Variants in PRR12 observed in about 807,000 individuals in gnomAD.
PRR12 encodes the protein proline-rich protein 12.
Under a neutral mutation model 138.0 loss-of-function variants are expected in PRR12, and 12 were observed. The ratio of observed to expected loss-of-function variants is 0.09; its 90% CI spans 0.06 to 0.14. The LOEUF (loss-of-function observed/expected upper bound fraction) is 0.14, where lower values mean the gene tolerates loss of function less well. PRR12 is among the 10% of genes least tolerant of loss of function. The pLI is 1.00. For synonymous variants in PRR12, 1,567 were observed against 1,291.7 expected (o/e 1.21, Z -4.57); for missense variants, 2,692 against 2,861.3 (o/e 0.94, Z 1.35).
Position 49,597,356 on chromosome 19 carries a change from C to T in PRR12, c.3021C>T (p.Gly1007=). The change falls in exon 4 of 14, where the codon GGC becomes GGT. Residue 1007 remains glycine (G), a synonymous_variant. Transcript: ENST00000418929. This position sits in a 1 kb window ranked among gnomAD's most constrained non-coding sequence, Gnocchi z 6.3. ...RASGAGPETP[G]LGLDPNKPPE... ...CGGGAGCCGGGCCCGAGACACCGGG[C>T]CTGGGCCTGGACCCCAACAAACCGC... is the stretch of plus-strand genomic sequence containing the variant. The T allele has an allele frequency of 6.5e-7, 1 of 1,539,202 alleles. No individual in the cohort carries two copies. Among genetic ancestry groups the T allele is most frequent in the Non-Finnish European group, 8.7e-7 (1 of 1,146,920 alleles).
At chr19:49,613,330 CAAAAA>C (rs781467379) in intron 6 of PRR12, among the ~76,000 whole-genome samples, 1 of 76,706 alleles carries the variant, frequency 1.3e-5, no homozygotes, top group African/African-American at 4.1e-5. Context: ...GGCTCCATCT[CAAAAA>C]AAAAAAAAAA....
Position 49,594,800 on chromosome 19 carries a change from T to C in PRR12, c.465T>C (p.Ala155=). 1 of 1,613,044 alleles carries C rather than the reference T, an allele frequency of 6.2e-7. No homozygotes were observed. ...CCCTGTCGGCTTACCAACACCCGGC[T>C]TCCTTCGGCAGCCGCCCCTTCCCAG... ...SSALSAYQHP[A]SFGSRPFPVP... The change falls in exon 4 of 14, where the codon GCT becomes GCC. Residue 155 remains alanine (A), a synonymous_variant. Coordinates refer to ENST00000418929, the MANE Select transcript of PRR12 (RefSeq NM_020719.3). This position sits in a 1 kb window ranked among gnomAD's most constrained non-coding sequence, Gnocchi z 5.6.
rs377588997 is a variant in PRR12, at chr19:49,625,093, A to G, written c.5869-12A>G. ...GGGCTGGAGGGGCTGAGGCATCTCCACTCCTACCCAGGAGTTCAAGGTTGA... is the reference window on the plus strand; with the variant it reads ...GGGCTGGAGGGGCTGAGGCATCTCCGCTCCTACCCAGGAGTTCAAGGTTGA... On this transcript the variant is annotated splice_polypyrimidine_tract_variant and intron_variant, in intron 12 of 13. Coordinates refer to ENST00000418929, the MANE Select transcript of PRR12 (RefSeq NM_020719.3). This position sits in a 1 kb window ranked among gnomAD's most constrained non-coding sequence, Gnocchi z 5.5. The G allele has an allele frequency of 2.5e-6, 4 of 1,612,518 alleles. No homozygotes were observed. The highest frequency in any genetic ancestry group is 3.4e-6 in the Non-Finnish European group (4 of 1,178,846).
In PRR12 at chr19:49,610,546, A is replaced by ATTTTTTTTTTTTTTTTT. The variant is rs922178889; in HGVS notation, c.4774-3973_4774-3972insTTTTTTTTTTTTTTTTT. Among the ~76,000 whole-genome samples, 2 of 121,636 alleles carry ATTTTTTTTTTTTTTTTT rather than the reference A, an allele frequency of 1.6e-5. 1 individual carries two copies. Among genetic ancestry groups the ATTTTTTTTTTTTTTTTT allele is most frequent in the African/African-American group, 7.2e-5 (2 of 27,964 alleles). The allele number at this position is 121,636 out of a possible 152,430, so 79.8% of individuals were successfully genotyped here. A position where few individuals can be genotyped will look rare whatever the true frequency, so the allele number is the denominator to read the frequency against. ...CATGCCATGGTAAAACCCTGTTCCTATTTTTTTTTTTTTTGAGATGGAGTC... is the reference window on the plus strand; with the variant it reads ...CATGCCATGGTAAAACCCTGTTCCTATTTTTTTTTTTTTTTTTTTTTTTTTTTTTTTGAGATGGAGTC... On this transcript the variant is annotated intron_variant, in intron 6 of 13. Transcript: ENST00000418929.
intron 6 of PRR12, among the ~76,000 whole-genome samples, chr19:49,613,678 C>T (rs1468793559): frequency 6.6e-6 from 1 of 152,230 alleles, no homozygotes; most frequent in African/African-American, 2.4e-5. Context: ...GTTCTTGGCA[C>T]AGGCCACAAA....
At chr19:49,621,185 C>T (rs1464326764) in intron 10 of PRR12, among the ~76,000 whole-genome samples, 115 of 87,458 alleles carry the variant, frequency 1.3e-3, no homozygotes, top group South Asian at 4.6e-3. Flanking sequence ...GGGGCTGGGG[C>T]CTGGACTCCT....
Position 49,614,655 on chromosome 19 carries a change from C to A in PRR12, c.4890+6C>A. Reference sequence around the variant, plus strand: ...AGTTTTGTGCCACCAGTAATGTAAGCCTGCAAAGGGGACCAAGGACTTGGG... The same window carrying A: ...AGTTTTGTGCCACCAGTAATGTAAGACTGCAAAGGGGACCAAGGACTTGGG... On this transcript the variant is annotated splice_donor_region_variant and intron_variant, in intron 7 of 13. Coordinates refer to ENST00000418929, the MANE Select transcript of PRR12 (RefSeq NM_020719.3). The surrounding 1 kb of genome is among the most constrained non-coding windows in gnomAD (Gnocchi z 5.0). 6.4e-7 allele frequency: 1 copy of A among 1,554,790 alleles called. No homozygotes were observed. Among genetic ancestry groups the A allele is most frequent in the Middle Eastern group, 1.7e-4 (1 of 5,986 alleles).
intron 2 of PRR12, among the ~76,000 whole-genome samples, chr19:49,593,714 C>G (rs919739631): frequency 1.3e-5 from 2 of 152,160 alleles, no homozygotes; most frequent in African/African-American, 4.8e-5. Context: ...CAGGCTTTTC[C>G]GCCTCTCCCC....
In PRR12 at chr19:49,594,676, C is replaced by A. The variant is rs148312497; in HGVS notation, c.362-21C>A. The A allele has an allele frequency of 3.1e-6, 5 of 1,610,700 alleles. No individual in the cohort carries two copies. The highest frequency in any genetic ancestry group is 4.2e-6 in the Non-Finnish European group (5 of 1,179,522). ...GACTGGCTCGCTGTTCTCTCTGACG[C>A]GCGGTCTTCCTCATCTCCAGCCATG... On this transcript the variant is annotated intron_variant, in intron 3 of 13. Transcript: ENST00000418929. The surrounding 1 kb of genome is among the most constrained non-coding windows in gnomAD (Gnocchi z 5.6).
intron 6 of PRR12, among the ~76,000 whole-genome samples, chr19:49,603,175 G>C (rs2080821089): frequency 6.6e-6 from 1 of 152,236 alleles, no homozygotes; most frequent in Admixed American, 6.5e-5. Context: ...AATAGAGTTG[G>C]ATCAGAGGAT....
At chr19:49,619,851 C>CTTTTTTTTTTTTTTTT (rs55707507) in intron 9 of PRR12, among the ~76,000 whole-genome samples, 1 of 53,936 alleles carries the variant, frequency 1.9e-5, no homozygotes, top group African/African-American at 8.8e-5. Context: ...CAATGCCTGG[C>CTTTTTTTTTTTTTTTT]TTTTTTTTTT....
intron 6 of PRR12, among the ~76,000 whole-genome samples, chr19:49,607,472 A>G (rs1599794580): frequency 6.6e-6 from 1 of 151,932 alleles, no homozygotes; most frequent in Non-Finnish European, 1.5e-5. Flanking sequence ...TTGGGAGTCC[A>G]AGGTGGGTGG....
At chr19:49,606,305 T>C in intron 6 of PRR12, among the ~76,000 whole-genome samples, 1 of 146,488 alleles carries the variant, frequency 6.8e-6, no homozygotes, top group African/African-American at 2.6e-5. Flanking sequence ...TGTCTGGACT[T>C]TTTTTTCTTC....
In PRR12 at chr19:49,597,459, C is replaced by G; in HGVS notation, c.3124C>G (p.Pro1042Ala). 1 of 1,541,488 alleles carries G rather than the reference C, an allele frequency of 6.5e-7. No homozygotes were observed. Among genetic ancestry groups the G allele is most frequent in the Non-Finnish European group, 8.7e-7 (1 of 1,146,134 alleles). Residue 1042 changes from proline (P) to alanine (A), a missense_variant, in exon 4 of 14, where the codon CCG becomes GCG. Physicochemically the swap from Pro to Ala is conservative, Grantham distance 27. Transcript: ENST00000418929. This position sits in a 1 kb window ranked among gnomAD's most constrained non-coding sequence, Gnocchi z 6.3. ...CCCCCACCAGGCGGCGCCACCACCC[C>G]CGCCTCCGCCACCGCCGCCTCCCGC... is the stretch of plus-strand genomic sequence containing the variant. ...SGPHQAAPPP[P>A]PPPPPPPAPA...
chr19:49,595,519 G>A lies in PRR12; in HGVS notation c.1184G>A (p.Gly395Asp). 6.4e-7 allele frequency: 1 copy of A among 1,569,644 alleles called. No individual in the cohort carries two copies. Among genetic ancestry groups the A allele is most frequent in the Non-Finnish European group, 8.6e-7 (1 of 1,158,152 alleles). The change falls in exon 4 of 14, where the codon GGT (glycine) becomes GAT (aspartate). Residue 395 changes from glycine to aspartate, a missense_variant. Physicochemically the swap from Gly to Asp is moderately conservative, Grantham distance 94. Around this residue, in one of 11 missense-constraint regions of PRR12, gnomAD observed 523 missense variants for 496.4 expected, o/e 1.05. Transcript: ENST00000418929. ...QSPGYKTGKGGYGAAAGGATR... is the reference protein window; with the variant it reads ...QSPGYKTGKGDYGAAAGGATR... ...CCTGGGTACAAGACGGGCAAAGGTG[G>A]TTATGGAGCAGCTGCCGGGGGTGCC...
rs1305204599 is a variant in PRR12, at chr19:49,595,957, T to G, written c.1622T>G (p.Leu541Arg). 3.1e-6 allele frequency: 5 copies of G among 1,600,472 alleles called. No homozygotes were observed. Among genetic ancestry groups the G allele is most frequent in the African/African-American group, 1.3e-5 (1 of 74,886 alleles). Residue 541 changes from leucine to arginine, a missense_variant, in exon 4 of 14, where the codon CTC (leucine) becomes CGC (arginine). Physicochemically the swap from Leu to Arg is moderately radical, Grantham distance 102. Transcript: ENST00000418929. ...TACAGTACCGGCCATTCCCCAGCGC[T>G]CTCGGGCCATGGGGGTGGCTGGGGA... ...LSYSTGHSPALSGHGGGWGPS... is the reference protein window; with the variant it reads ...LSYSTGHSPARSGHGGGWGPS...
At position 49,599,715 on chromosome 19, in the gene PRR12, C is replaced by G. The variant is rs781576069; in HGVS notation, c.4122C>G (p.Leu1374=). The G allele has an allele frequency of 1.2e-6, 2 of 1,613,572 alleles. No homozygotes were observed. Among genetic ancestry groups the G allele is most frequent in the Admixed American group, 1.7e-5 (1 of 60,022 alleles). ...KRLDEELKRN[L]ETLPSFSSDE... ...TTGATGAGGAGCTGAAGCGGAACCT[C>G]GAGACGCTGCCCTCCTTCTCCTCGG... The change falls in exon 5 of 14, where the codon CTC becomes CTG. Residue 1374 remains leucine, a synonymous_variant. Coordinates refer to ENST00000418929, the MANE Select transcript of PRR12 (RefSeq NM_020719.3). The surrounding 1 kb of genome is among the most constrained non-coding windows in gnomAD (Gnocchi z 5.0).
chr19:49,599,736 C>T lies in PRR12; in HGVS notation c.4143C>T (p.Ser1381=), dbSNP rs748835453. The T allele has an allele frequency of 4.3e-6, 7 of 1,613,536 alleles. No individual in the cohort carries two copies. The highest frequency in any genetic ancestry group is 5.1e-6 in the Non-Finnish European group (6 of 1,179,900). ...KRNLETLPSF[S]SDEEDSVAKN... is the part of the protein sequence containing the mutation. ...ACCTCGAGACGCTGCCCTCCTTCTC[C>T]TCGGATGAGGAAGACTCTGTCGCCA... The change falls in exon 5 of 14, where the codon TCC becomes TCT. Residue 1381 remains serine (S), a synonymous_variant. Coordinates refer to ENST00000418929, the MANE Select transcript of PRR12 (RefSeq NM_020719.3). The surrounding 1 kb of genome is among the most constrained non-coding windows in gnomAD (Gnocchi z 5.0).
intron 1 of PRR12, among the ~76,000 whole-genome samples, chr19:49,592,119 AAG>A (rs1179740103): frequency 1.3e-5 from 2 of 148,992 alleles, no homozygotes; most frequent in Admixed American, 6.7e-5. Flanking sequence ...AGGTGGGAAG[AAG>A]AGAAGAATTA....
Sources: gnomAD v4.1 joint callset for allele counts (sites outside exome capture counted in the v4.1 genomes callset) on GRCh38, gnomAD v4.1.1 for gene constraint, gnomAD v4.1.1 regional missense constraint, Gnocchi (gnomAD v3.1) non-coding constraint, MANE v1.5 for transcripts, NCBI Gene and HGNC (gene_info 2026-07-23, HGNC 2026-07-21) for gene names.